Variants in DPYD observed in about 807,000 individuals in gnomAD.
DPYD encodes the protein dihydropyrimidine dehydrogenase.
DPYD carries 109 observed loss-of-function variants against 116.2 expected under a neutral mutation model. The observed-to-expected ratio is 0.94, with a 90% CI of 0.80 to 1.10. The LOEUF is 1.10. DPYD is among the 50% of genes least tolerant of loss of function. The probability of loss-of-function intolerance (pLI) is 0.00; values close to 1 mark genes in which losing one functional copy is unlikely to be tolerated. For synonymous variants in DPYD, 440 were observed against 432.0 expected (o/e 1.02, Z -0.23); for missense variants, 1,302 against 1,254.5 (o/e 1.04, Z -0.57).
chr1:97,678,193 G>T (rs1013327637), intron 8 of DPYD, among the ~76,000 whole-genome samples: 1 of 151,976 alleles, frequency 6.6e-6, no homozygotes, highest in Non-Finnish European at 1.5e-5. Context: ...TAGATCCTTC[G>T]CATGCCCAGT....
chr1:97,821,563 G>A (rs1668939140), intron 3 of DPYD, among the ~76,000 whole-genome samples: 1 of 152,168 alleles, frequency 6.6e-6, no homozygotes, highest in South Asian at 2.1e-4. Flanking sequence ...CCAGAGATTT[G>A]ACCTAGAGAT....
At chr1:97,581,952 A>T (rs531610044) in intron 10 of DPYD, among the ~76,000 whole-genome samples, 10 of 152,276 alleles carry the variant, frequency 6.6e-5, no homozygotes, top group East Asian at 1.9e-4. Context: ...CAGCTTGGTT[A>T]AAGCTCTATG....
At chr1:97,322,409 C>G (rs566923788) in intron 16 of DPYD, among the ~76,000 whole-genome samples, 12 of 151,802 alleles carry the variant, frequency 7.9e-5, no homozygotes, top group African/African-American at 2.9e-4. Flanking sequence ...GGTAAATACT[C>G]AAAACTAAAT....
intron 16 of DPYD, among the ~76,000 whole-genome samples, chr1:97,358,253 G>A (rs764422288): frequency 1.2e-4 from 18 of 152,224 alleles, no homozygotes; most frequent in Admixed American, 2.0e-4. Context: ...AGGTGGAGGG[G>A]CATCTGCCAT....
intron 19 of DPYD, among the ~76,000 whole-genome samples, chr1:97,229,588 A>ATATG (rs1661453907): frequency 2.4e-5 from 3 of 126,918 alleles, no homozygotes; most frequent in African/African-American, 3.4e-5. Flanking sequence ...ATATATATAT[A>ATATG]TACTGATTTT....
intron 19 of DPYD, among the ~76,000 whole-genome samples, chr1:97,233,912 T>C (rs1419061468): frequency 6.6e-6 from 1 of 152,228 alleles, no homozygotes; most frequent in Admixed American, 6.5e-5. Context: ...CTCCATTAGC[T>C]TTCTAATACA....
Position 97,740,437 on chromosome 1 carries a change from T to TG in DPYD, c.275dup (p.Thr93AsnfsTer2). 1 of 1,613,284 alleles carries TG rather than the reference T, an allele frequency of 6.2e-7. No individual in the cohort carries two copies. Among genetic ancestry groups the TG allele is most frequent in the Non-Finnish European group, 8.5e-7 (1 of 1,179,532 alleles). On this transcript the variant is annotated frameshift_variant, in exon 4 of 23. Transcript: ENST00000370192. LOFTEE classifies it high-confidence loss of function. ...TGAATGATTTAATATCAAGATTAGT[T>TG]GGACAGCTCTTCTGACACGGGGCAT...
At chr1:97,888,030 T>C (rs982613444) in intron 1 of DPYD, among the ~76,000 whole-genome samples, 17 of 152,114 alleles carry the variant, frequency 1.1e-4, no homozygotes, top group African/African-American at 3.9e-4. Context: ...CCTTTATAAA[T>C]TGCCCAGTCT....
intron 8 of DPYD, among the ~76,000 whole-genome samples, chr1:97,634,809 C>G (rs774727538): frequency 6.6e-6 from 1 of 151,750 alleles, no homozygotes; most frequent in Admixed American, 6.6e-5. Flanking sequence ...AGAACAAAGC[C>G]TATTCACTGT....
chr1:97,310,897 C>A (rs993704934), intron 16 of DPYD, among the ~76,000 whole-genome samples: 4 of 151,720 alleles, frequency 2.6e-5, no homozygotes, highest in African/African-American at 4.8e-5. Flanking sequence ...TGCATATCCA[C>A]GCAATGAAAT....
intron 10 of DPYD, among the ~76,000 whole-genome samples, chr1:97,582,910 G>T (rs1340376807): frequency 6.6e-6 from 1 of 152,124 alleles, no homozygotes; most frequent in East Asian, 1.9e-4. Context: ...GCTTAAAATG[G>T]CTTGACACAA....
intron 18 of DPYD, among the ~76,000 whole-genome samples, chr1:97,265,728 C>A (rs1664184963): frequency 6.6e-6 from 1 of 152,072 alleles, no homozygotes; most frequent in East Asian, 1.9e-4. Context: ...ACCTTTTAAT[C>A]TTCTTATTAA....
intron 2 of DPYD, among the ~76,000 whole-genome samples, chr1:97,833,773 T>C (rs1042852460): frequency 1.2e-4 from 19 of 152,112 alleles, no homozygotes; most frequent in Non-Finnish European, 7.4e-5. Flanking sequence ...AGATTTTATA[T>C]GGTGAAATAG....
At chr1:97,710,344 G>A (rs149745492) in intron 5 of DPYD, among the ~76,000 whole-genome samples, 125 of 151,864 alleles carry the variant, frequency 8.2e-4, no homozygotes, top group African/African-American at 2.9e-3. Flanking sequence ...TGTAAGACAA[G>A]TCAAAGGAAA....
intron 18 of DPYD, among the ~76,000 whole-genome samples, chr1:97,292,353 A>T (rs868217615): frequency 2.0e-5 from 3 of 152,168 alleles, no homozygotes; most frequent in South Asian, 4.1e-4. Flanking sequence ...CAATCATGTC[A>T]GAACGGGAAG....
intron 20 of DPYD, among the ~76,000 whole-genome samples, chr1:97,130,632 T>C (rs1000129329): frequency 2.6e-5 from 4 of 152,112 alleles, no homozygotes; most frequent in African/African-American, 9.7e-5. Context: ...TACCATCTGA[T>C]CTTTTCCTTT....
chr1:97,744,681 A>C (rs2101080487), intron 3 of DPYD, among the ~76,000 whole-genome samples: 1 of 152,186 alleles, frequency 6.6e-6, no homozygotes, highest in South Asian at 2.1e-4. Flanking sequence ...AATGTTCTAC[A>C]TCATCATTTG....
At chr1:97,591,417 A>C (rs1654511490) in intron 10 of DPYD, among the ~76,000 whole-genome samples, 1 of 152,224 alleles carries the variant, frequency 6.6e-6, no homozygotes, top group Non-Finnish European at 1.5e-5. Context: ...TGTTGTATCT[A>C]AGTTGCCCAG....
At chr1:97,762,776 A>G (rs963169309) in intron 3 of DPYD, among the ~76,000 whole-genome samples, 3 of 152,094 alleles carry the variant, frequency 2.0e-5, no homozygotes, top group Non-Finnish European at 4.4e-5. Context: ...CAGCCATAAC[A>G]TTTTCAAAGA....
Sources: allele counts gnomAD v4.1 joint callset (sites outside exome capture counted in the v4.1 genomes callset), GRCh38; gene constraint gnomAD v4.1.1; transcripts MANE v1.5; gene names NCBI Gene and HGNC (gene_info 2026-07-23, HGNC 2026-07-21).